The following DCDC1 variants were observed in gnomAD, a reference collection of about 807,000 sequenced individuals.
DCDC1 encodes the protein doublecortin domain-containing protein 1.
In DCDC1, 200 loss-of-function variants were observed where a neutral mutation model predicts 178.3. The observed-to-expected ratio is 1.12, with a 90% CI of 1.00 to 1.26. The LOEUF (loss-of-function observed/expected upper bound fraction) is 1.26. DCDC1 is among the 50% of genes most tolerant of loss of function. The pLI, the probability that DCDC1 is intolerant of heterozygous loss-of-function variation, is 0.00. For synonymous variants in DCDC1, 690 were observed against 604.8 expected (o/e 1.14, Z -2.07); for missense variants, 1,983 against 1,749.2 (o/e 1.13, Z -2.38).
chr11:31,037,518 C>T (rs1421719378), intron 20 of DCDC1, among the ~76,000 whole-genome samples: 5 of 151,342 alleles, frequency 3.3e-5, no homozygotes, highest in Non-Finnish European at 7.4e-5. Context: ...CTGCAAGCTC[C>T]GCCTCCCGGG....
intron 9 of DCDC1, among the ~76,000 whole-genome samples, chr11:31,153,640 G>A (rs1463657969): frequency 3.9e-5 from 6 of 152,040 alleles, no homozygotes; most frequent in South Asian, 2.1e-4. Context: ...AAAATCAGCC[G>A]GGCATGGTGG....
chr11:31,165,269 A>G (rs955194993), intron 9 of DCDC1, among the ~76,000 whole-genome samples: 3 of 152,028 alleles, frequency 2.0e-5, no homozygotes, highest in Admixed American at 1.3e-4. Flanking sequence ...AATTTCTTTG[A>G]GCTATATTTT....
At chr11:30,882,218 C>T (rs1190704615) in intron 36 of DCDC1, 1 of 152,172 alleles carries the variant, frequency 6.6e-6, no homozygotes, top group East Asian at 1.9e-4. Context: ...CATGTGATGA[C>T]ACCTTGCATC....
At chr11:31,150,843 C>T (rs530084946) in intron 9 of DCDC1, among the ~76,000 whole-genome samples, 2 of 152,224 alleles carry the variant, frequency 1.3e-5, no homozygotes, top group South Asian at 4.1e-4. Flanking sequence ...ACTATTATCA[C>T]CTTTGCTTTT....
At chr11:30,905,813 T>C (rs1481634843) in intron 30 of DCDC1, among the ~76,000 whole-genome samples, 3 of 152,194 alleles carry the variant, frequency 2.0e-5, no homozygotes, top group African/African-American at 4.8e-5. Flanking sequence ...TTCAGAGCTA[T>C]TGCTTCTGTT....
intron 3 of DCDC1, among the ~76,000 whole-genome samples, chr11:31,311,827 AT>A (rs1404373741): frequency 3.3e-5 from 5 of 152,202 alleles, no homozygotes; most frequent in African/African-American, 1.2e-4. Context: ...GTGGTACATT[AT>A]AAATTTCTGA....
chr11:31,179,262 C>G (rs1190450910), intron 9 of DCDC1, among the ~76,000 whole-genome samples: 1 of 152,162 alleles, frequency 6.6e-6, no homozygotes, highest in Non-Finnish European at 1.5e-5. Flanking sequence ...TACTACTACA[C>G]TATGAAGGTT....
At chr11:30,931,434 A>T (rs770150877) in intron 22 of DCDC1, among the ~76,000 whole-genome samples, 5 of 152,148 alleles carry the variant, frequency 3.3e-5, no homozygotes, top group Non-Finnish European at 5.9e-5. Flanking sequence ...ATATTTAAGG[A>T]TGTTGAGTTC....
intron 11 of DCDC1, among the ~76,000 whole-genome samples, chr11:31,123,264 C>T (rs767702846): frequency 2.0e-5 from 3 of 152,002 alleles, no homozygotes; most frequent in Non-Finnish European, 2.9e-5. Flanking sequence ...AAGAAATGCA[C>T]GGTAGCACAC....
chr11:30,908,875 T>C lies in DCDC1; in HGVS notation c.3918+71A>G, dbSNP rs1945257783. On this transcript the variant is annotated intron_variant, in intron 29 of 38. Transcript: ENST00000684477. ...CATAAAGTTTTCTAGGGAAAAAAAT[T>C]TTCTCATTTTATTAAATTACTCTCT... The C allele has an allele frequency of 2.9e-6, 4 of 1,400,396 alleles. No individual in the cohort carries two copies. In the South Asian group the frequency reaches 6.7e-5, roughly 24 times the overall value. 86.7% of individuals were successfully genotyped at this position (1,400,396 alleles called of 1,614,324 possible). A position where few individuals can be genotyped will look rare whatever the true frequency, so the allele number is the denominator to read the frequency against.
intron 9 of DCDC1, among the ~76,000 whole-genome samples, chr11:31,240,685 T>C (rs1977018631): frequency 6.6e-6 from 1 of 152,054 alleles, no homozygotes; most frequent in Non-Finnish European, 1.5e-5. Flanking sequence ...CTAGTCCTCA[T>C]TTAGCTTGGT....
chr11:30,901,923 C>T (rs1172352452), intron 32 of DCDC1, among the ~76,000 whole-genome samples: 1 of 151,990 alleles, frequency 6.6e-6, no homozygotes, highest in Non-Finnish European at 1.5e-5. Context: ...TAAATATCAA[C>T]CAGGCATTGT....
chr11:30,974,887 T>C (rs940190369), intron 20 of DCDC1, among the ~76,000 whole-genome samples: 2 of 152,056 alleles, frequency 1.3e-5, no homozygotes. Context: ...CAGTGTTACC[T>C]TAATACCAAA....
rs72156406 is a variant in DCDC1 at position 31,315,306 on chromosome 11, C to CTTTTTTTTT, written c.165-7407_165-7399dup. Among the ~76,000 whole-genome samples, 6 of 62,140 alleles carry CTTTTTTTTT rather than the reference C, an allele frequency of 9.7e-5. 1 individual carries two copies. The highest frequency in any genetic ancestry group is 8.3e-5 in the Non-Finnish European group (3 of 36,096). The allele number at this position is 62,140 out of a possible 152,430, so 40.8% of individuals were successfully genotyped here. ...CTTCCATAGTTCCTATTTGCATACC[C>CTTTTTTTTT]TTTTTTTTTTTTTTTTTTTTTTTTT... On this transcript the variant is annotated intron_variant, in intron 3 of 38. Transcript: ENST00000684477.
At position 31,003,102 on chromosome 11, in the gene DCDC1, A is replaced by G. The variant is rs572662959; in HGVS notation, c.2592-50534T>C. Reference sequence around the variant, plus strand: ...CATATCTTTAAATATATATATATATATATAATCTAGATTTCCATATATAGA... The same window carrying G: ...CATATCTTTAAATATATATATATATGTATAATCTAGATTTCCATATATAGA... On this transcript the variant is annotated intron_variant, in intron 20 of 38. Transcript: ENST00000684477. 9.3e-5 allele frequency among the ~76,000 whole-genome samples: 14 copies of G among 151,074 alleles called. No homozygotes were observed. The South Asian group carries it at 2.5e-3, about 27-fold the overall frequency.
chr11:30,908,433 A>T (rs1325190871), intron 29 of DCDC1, among the ~76,000 whole-genome samples: 1 of 149,048 alleles, frequency 6.7e-6, no homozygotes, highest in African/African-American at 2.5e-5. Context: ...AACAAACCAT[A>T]AAAAAAAAAT....
intron 20 of DCDC1, among the ~76,000 whole-genome samples, chr11:31,021,618 C>T (rs1952885599): frequency 6.6e-6 from 1 of 152,094 alleles, no homozygotes; most frequent in South Asian, 2.1e-4. Context: ...GTGGGAATGA[C>T]CTGACAGGGA....
intron 20 of DCDC1, among the ~76,000 whole-genome samples, chr11:31,063,130 G>A (rs1956045040): frequency 6.6e-6 from 1 of 151,940 alleles, no homozygotes; most frequent in Admixed American, 6.6e-5. Flanking sequence ...TCAGAGAAAT[G>A]CAAATCAAAA....
chr11:31,339,577 A>T (rs572026402), intron 1 of DCDC1, among the ~76,000 whole-genome samples: 5 of 152,296 alleles, frequency 3.3e-5, no homozygotes, highest in African/African-American at 7.2e-5. Context: ...GTTAAAAAAA[A>T]TTTTATGAGA....
Sources: allele counts gnomAD v4.1 joint callset (sites outside exome capture counted in the v4.1 genomes callset), GRCh38; gene constraint gnomAD v4.1.1; transcripts MANE v1.5; gene names NCBI Gene and HGNC (gene_info 2026-07-23, HGNC 2026-07-21).